Variants in AP2A2 observed in about 807,000 individuals in gnomAD.
The protein encoded by AP2A2 is AP-2 complex subunit alpha-2.
Under a neutral mutation model 104.2 loss-of-function variants are expected in AP2A2, and 32 were observed. That is an observed-to-expected ratio of 0.31 (90% CI 0.23 to 0.41). The LOEUF is 0.41. Ranked by LOEUF, AP2A2 falls within the 10% of genes least tolerant of loss-of-function variation. The pLI, the probability that AP2A2 is intolerant of heterozygous loss-of-function variation, is 1.00. For synonymous variants in AP2A2, 539 were observed against 533.3 expected (o/e 1.01, Z -0.15); for missense variants, 912 against 1,261.0 (o/e 0.72, Z 4.19).
At chr11:958,046 T>G (rs567792802) in intron 1 of AP2A2, among the ~76,000 whole-genome samples, 59 of 152,374 alleles carry the variant, frequency 3.9e-4, no homozygotes, top group Non-Finnish European at 7.3e-4. Context: ...GTTCATATGC[T>G]GAAGCCCCAA....
At chr11:935,598 G>A (rs1393733804) in intron 1 of AP2A2, among the ~76,000 whole-genome samples, 6 of 75,708 alleles carry the variant, frequency 7.9e-5, no homozygotes, top group Non-Finnish European at 1.6e-4. Context: ...CACTGTGCCC[G>A]GCCAGTTTTT....
chr11:971,941 G>GT (rs1854845304), intron 3 of AP2A2, 121 bp from the exon 4 acceptor site: 7 of 931,802 alleles, frequency 7.5e-6, no homozygotes, highest in Non-Finnish European at 9.6e-6. Flanking sequence ...AGTGCCCTGG[G>GT]TGCGTGGGTG....
Position 968,188 on chromosome 11 carries a change from C to G in AP2A2, c.137-1981C>G, listed in dbSNP as rs920812638. Among the ~76,000 whole-genome samples, 3 of 152,230 alleles carry G rather than the reference C, an allele frequency of 2.0e-5. No homozygotes were observed. Among genetic ancestry groups the G allele is most frequent in the Non-Finnish European group, 4.4e-5 (3 of 68,046 alleles). ...GGCTTTCTCCTCGCGCTGGCGACTT[C>G]CGCTGCCCCTCACGGTGCTTATGCA... On this transcript the variant is annotated intron_variant, in intron 2 of 21. Transcript: ENST00000448903. The surrounding 1 kb of genome is among the most constrained non-coding windows in gnomAD (Gnocchi z 4.2).
chr11:927,120 G>T (rs540830346), intron 1 of AP2A2, among the ~76,000 whole-genome samples: 1 of 152,186 alleles, frequency 6.6e-6, no homozygotes, highest in Non-Finnish European at 1.5e-5. Context: ...AGGCTGGAGC[G>T]CAGTAGTTCC....
At chr11:995,518 C>T (rs950591381) in intron 14 of AP2A2, 9 of 447,956 alleles carry the variant, frequency 2.0e-5, no homozygotes, top group Admixed American at 9.5e-5. Context: ...TACCCAGTAT[C>T]GGCAGGGCTT....
chr11:1,010,541 G>C lies in AP2A2; in HGVS notation c.2743-7G>C, dbSNP rs1456598788. The C allele has an allele frequency of 1.3e-6, 2 of 1,584,146 alleles. No individual in the cohort carries two copies. Among genetic ancestry groups the C allele is most frequent in the Admixed American group, 1.8e-5 (1 of 56,002 alleles). On this transcript the variant is annotated splice_region_variant and splice_polypyrimidine_tract_variant and intron_variant, in intron 21 of 21. Coordinates refer to ENST00000448903, the MANE Select transcript of AP2A2 (RefSeq NM_012305.4). ...TGCCCGTTGACCTGCTGTGCTCTCT[G>C]TTTCAGATGTACCGGCTCACGCTGC...
At chr11:947,185 A>G (rs1853874807) in intron 1 of AP2A2, among the ~76,000 whole-genome samples, 1 of 151,556 alleles carries the variant, frequency 6.6e-6, no homozygotes, top group South Asian at 2.1e-4. Context: ...TAATTTTTGT[A>G]TTTTTAGTAG....
At position 986,944 on chromosome 11, in the gene AP2A2, C is replaced by T. The variant is rs376964234; in HGVS notation, c.1122C>T (p.Asn374=). 4.1e-5 allele frequency: 65 copies of T among 1,583,958 alleles called. 1 individual carries two copies. The highest frequency in any genetic ancestry group is 2.7e-4 in the African/African-American group (20 of 74,222). The change falls in exon 9 of 22, where the codon AAC becomes AAT. Residue 374 remains asparagine, a synonymous_variant. Coordinates refer to ENST00000448903, the MANE Select transcript of AP2A2 (RefSeq NM_012305.4). Reference sequence around the variant, plus strand: ...AGACGCACATCGAGACGGTCATCAACGCCCTGAAGGCGAGTGCCCTGTCCT... The same window carrying T: ...AGACGCACATCGAGACGGTCATCAATGCCCTGAAGGCGAGTGCCCTGTCCT... ...AVKTHIETVI[N]ALKTERDVSV...
chr11:939,138 C>A (rs920014684), intron 1 of AP2A2, among the ~76,000 whole-genome samples: 59 of 150,282 alleles, frequency 3.9e-4, no homozygotes, highest in Non-Finnish European at 4.1e-4. Flanking sequence ...GTAATCCCAG[C>A]TACTTGGGAG....
intron 20 of AP2A2, 34 bp from the exon 21 acceptor site, chr11:1,009,649 G>A (rs777382741): frequency 5.8e-6 from 9 of 1,539,382 alleles, no homozygotes; most frequent in African/African-American, 1.4e-5. Context: ...GCGACCCCGC[G>A]CCAGGGTCCT....
At chr11:962,136 C>T (rs536707629) in intron 2 of AP2A2, among the ~76,000 whole-genome samples, 21 of 151,932 alleles carry the variant, frequency 1.4e-4, no homozygotes, top group South Asian at 1.0e-3. Flanking sequence ...CTTGCTCAGC[C>T]GTGGCTCTCA....
intron 14 of AP2A2, among the ~76,000 whole-genome samples, chr11:1,000,199 G>T (rs1045567366): frequency 2.6e-5 from 4 of 152,156 alleles, no homozygotes; most frequent in African/African-American, 9.7e-5. Flanking sequence ...GTGAAATTAT[G>T]ACTGATGTTT....
intron 3 of AP2A2, among the ~76,000 whole-genome samples, chr11:970,979 T>C (rs1017298353): frequency 6.6e-6 from 1 of 152,210 alleles, no homozygotes; most frequent in African/African-American, 2.4e-5. Context: ...ATTATTTCTA[T>C]GTTTTCCCTG....
rs767732105 is a variant in AP2A2, at chr11:1,000,436, C to T, written c.1961C>T (p.Thr654Met). ...CTCTCCTTCCTTCTCTTCCAGTCTA[C>T]GCCTTCTCCGTCGGCAGACCTGCTG... ...PAPASTSAVS[T>M]PSPSADLLGL... The change falls in exon 15 of 22, where the codon ACG becomes ATG. Residue 654 changes from threonine to methionine, a missense_variant. Thr to Met is a moderately conservative substitution (Grantham distance 81). Transcript: ENST00000448903. The T allele has an allele frequency of 9.7e-6, 15 of 1,544,164 alleles. No homozygotes were observed. Among genetic ancestry groups the T allele is most frequent in the Admixed American group, 2.0e-5 (1 of 51,222 alleles).
chr11:977,105 G>C lies in AP2A2; in HGVS notation c.484G>C (p.Asp162His). Residue 162 changes from aspartate to histidine, a missense_variant, in exon 5 of 22, where the codon GAC becomes CAC. Physicochemically the swap from Asp to His is moderately conservative, Grantham distance 81. Around this residue, in one of 7 missense-constraint regions of AP2A2, gnomAD observed 350 missense variants for 487.0 expected, o/e 0.72. Coordinates refer to ENST00000448903, the MANE Select transcript of AP2A2 (RefSeq NM_012305.4). ...PKVLVAGDTM[D>H]SVKQSAALCL... is the part of the protein sequence containing the mutation. The stretch of plus-strand genomic sequence containing the variant: ...ACGTCTGTCTTTCAGAGACACTATG[G>C]ACAGCGTGAAGCAGAGCGCGGCCCT... 1 of 1,613,748 alleles carries C rather than the reference G, an allele frequency of 6.2e-7. No homozygotes were observed. Among genetic ancestry groups the C allele is most frequent in the Non-Finnish European group, 8.5e-7 (1 of 1,179,830 alleles).
intron 8 of AP2A2, among the ~76,000 whole-genome samples, 172 bp from the exon 9 acceptor site, chr11:986,613 G>C (rs913530361): frequency 6.6e-6 from 1 of 152,256 alleles, no homozygotes; most frequent in African/African-American, 2.4e-5. Context: ...TGGGGGTCGG[G>C]CGTCATCTGC....
At position 955,905 on chromosome 11, in the gene AP2A2, A is replaced by G. The variant is rs936959315; in HGVS notation, c.68-3532A>G. On this transcript the variant is annotated intron_variant, in intron 1 of 21. Transcript: ENST00000448903. Reference sequence around the variant, plus strand: ...GCTCTTTGTCCTCTGATCTGTGCACACCAGGCCTGGCGGGGCCGCTTGTGT... The same window carrying G: ...GCTCTTTGTCCTCTGATCTGTGCACGCCAGGCCTGGCGGGGCCGCTTGTGT... 4.6e-5 allele frequency among the ~76,000 whole-genome samples: 7 copies of G among 152,318 alleles called. No individual in the cohort carries two copies. In the South Asian group the frequency reaches 6.2e-4, roughly 14 times the overall value.
chr11:953,816 ACT>A (rs1462363677), intron 1 of AP2A2, among the ~76,000 whole-genome samples: 3 of 140,622 alleles, frequency 2.1e-5, no homozygotes, highest in Non-Finnish European at 4.6e-5. Context: ...ACGTGACACT[ACT>A]CTTCTCTCTA....
At chr11:969,220 CTTTTTTT>C (rs1190722379) in intron 2 of AP2A2, among the ~76,000 whole-genome samples, 1 of 48,040 alleles carries the variant, frequency 2.1e-5, no homozygotes, top group African/African-American at 7.7e-5. Context: ...TAGAACAGCC[CTTTTTTT>C]TTTTTTTTTT....
Sources: gnomAD v4.1 joint callset for allele counts (sites outside exome capture counted in the v4.1 genomes callset) on GRCh38, gnomAD v4.1.1 for gene constraint, gnomAD v4.1.1 regional missense constraint, Gnocchi (gnomAD v3.1) non-coding constraint, MANE v1.5 for transcripts, NCBI Gene and HGNC (gene_info 2026-07-23, HGNC 2026-07-21) for gene names.